Variants in AKAP6 observed in about 807,000 individuals in gnomAD.
AKAP6 encodes A-kinase anchor protein 6.
In AKAP6, 58 loss-of-function variants were observed where a neutral mutation model predicts 188.5. That is an observed-to-expected ratio of 0.31 (90% CI 0.25 to 0.38). AKAP6 has a LOEUF of 0.38. Among genes scored for constraint, AKAP6 ranks in the 10% least tolerant of loss-of-function variants. AKAP6 has a pLI of 1.00. For missense variants in AKAP6, 2,710 were observed against 2,740.0 expected, an observed-to-expected ratio of 0.99 and a Z score of 0.24; for synonymous variants, 989 against 998.6, an observed-to-expected ratio of 0.99 and a Z score of 0.18.
At chr14:32,458,090 T>C (rs1891203563) in intron 2 of AKAP6, among the ~76,000 whole-genome samples, 1 of 152,250 alleles carries the variant, frequency 6.6e-6, no homozygotes, top group African/African-American at 2.4e-5. Flanking sequence ...TTAATTTGTT[T>C]AGGATGGAAA....
intron 2 of AKAP6, among the ~76,000 whole-genome samples, chr14:32,511,456 A>C (rs1413399505): frequency 6.7e-6 from 1 of 149,362 alleles, no homozygotes; most frequent in East Asian, 2.0e-4. Flanking sequence ...GCTCACTGCA[A>C]CCTCCACCTC....
intron 2 of AKAP6, among the ~76,000 whole-genome samples, chr14:32,449,354 A>G (rs749379685): frequency 6.6e-6 from 1 of 151,970 alleles, no homozygotes; most frequent in Non-Finnish European, 1.5e-5. Flanking sequence ...CTAAAAATAC[A>G]AAACAAACAA....
chr14:32,430,895 A>T (rs1249670881), intron 1 of AKAP6, among the ~76,000 whole-genome samples: 1 of 152,118 alleles, frequency 6.6e-6, no homozygotes, highest in African/African-American at 2.4e-5. Context: ...TCACGAGGTC[A>T]GGAGATGGAG....
chr14:32,664,843 G>T (rs192019683), intron 7 of AKAP6, among the ~76,000 whole-genome samples: 1 of 152,158 alleles, frequency 6.6e-6, no homozygotes, highest in African/African-American at 2.4e-5. Context: ...ATGAGTCTCA[G>T]GCATAGATAA....
At chr14:32,730,344 A>G (rs2139822660) in intron 9 of AKAP6, among the ~76,000 whole-genome samples, 1 of 152,294 alleles carries the variant, frequency 6.6e-6, no homozygotes, top group South Asian at 2.1e-4. Flanking sequence ...ACACATAAAG[A>G]CAAGTTTCTT....
intron 1 of AKAP6, among the ~76,000 whole-genome samples, chr14:32,352,111 G>GTT (rs1189404210): frequency 3.0e-4 from 42 of 141,332 alleles, no homozygotes; most frequent in African/African-American, 1.0e-3. Flanking sequence ...GTTTGTGTGT[G>GTT]TGTGTGTGTG....
intron 9 of AKAP6, among the ~76,000 whole-genome samples, chr14:32,727,906 G>T (rs2030952729): frequency 6.6e-6 from 1 of 152,152 alleles, no homozygotes. Flanking sequence ...TGAAGTGTTG[G>T]TGGTACTGAC....
intron 7 of AKAP6, among the ~76,000 whole-genome samples, chr14:32,620,631 T>C (rs970012838): frequency 7.2e-5 from 11 of 152,070 alleles, no homozygotes; most frequent in Non-Finnish European, 1.0e-4. Flanking sequence ...TTTTCTTTTT[T>C]TGTTAAGTCC....
chr14:32,575,209 C>T (rs993522676), intron 4 of AKAP6, among the ~76,000 whole-genome samples: 8 of 151,840 alleles, frequency 5.3e-5, no homozygotes, highest in African/African-American at 1.7e-4. Context: ...GCAGGAAAGG[C>T]GAAAGAACAG....
At position 32,655,540 on chromosome 14, in the gene AKAP6, A is replaced by G. The variant is rs1376262544; in HGVS notation, c.2731-22771A>G. ...AAGACTAGCAGATAGATCTCTGCCA[A>G]TGCAAGGTGGTCAGTGATACATAGT... On this transcript the variant is annotated intron_variant, in intron 7 of 13. Transcript: ENST00000280979. 2.0e-5 allele frequency among the ~76,000 whole-genome samples: 3 copies of G among 152,208 alleles called. No individual in the cohort carries two copies. The East Asian group carries it at 5.8e-4, about 29-fold the overall frequency.
chr14:32,759,717 G>T (rs972785162), intron 11 of AKAP6, among the ~76,000 whole-genome samples: 14 of 152,100 alleles, frequency 9.2e-5, no homozygotes, highest in African/African-American at 3.4e-4. Context: ...ACAACACAAG[G>T]CAAAAGCAAG....
chr14:32,459,430 T>G (rs1566515354), intron 2 of AKAP6, among the ~76,000 whole-genome samples: 1 of 152,056 alleles, frequency 6.6e-6, no homozygotes, highest in Non-Finnish European at 1.5e-5. Context: ...GAAAAAGTGA[T>G]AGATACAGAC....
chr14:32,693,811 A>G (rs974776037), intron 8 of AKAP6: 1 of 152,116 alleles, frequency 6.6e-6, no homozygotes, highest in Non-Finnish European at 1.5e-5. Flanking sequence ...TTCTGTCTGT[A>G]TGATTAAAAT....
chr14:32,746,357 G>C (rs1017151882), intron 11 of AKAP6, among the ~76,000 whole-genome samples: 2 of 152,108 alleles, frequency 1.3e-5, no homozygotes, highest in Non-Finnish European at 2.9e-5. Flanking sequence ...GGTTTTTCAG[G>C]GTTCAAAGGG....
At chr14:32,799,243 G>A (rs1446767237) in intron 12 of AKAP6, among the ~76,000 whole-genome samples, 20 of 152,108 alleles carry the variant, frequency 1.3e-4, no homozygotes, top group Admixed American at 1.3e-3. Context: ...TATTCTAGAT[G>A]TATCCCTTTC....
At position 32,372,542 on chromosome 14, in the gene AKAP6, CA is replaced by C. The variant is rs527383447; in HGVS notation, c.-35+43136del. Among the ~76,000 whole-genome samples the C allele has an allele frequency of 2.5e-3, 356 of 142,992 alleles. 1 individual carries two copies. The highest frequency in any genetic ancestry group is 8.8e-3 in the African/African-American group (340 of 38,774). 93.8% of individuals were successfully genotyped at this position (142,992 alleles called of 152,430 possible). A position where few individuals can be genotyped will look rare whatever the true frequency, so the allele number is the denominator to read the frequency against. On this transcript the variant is annotated intron_variant, in intron 1 of 13. Transcript: ENST00000280979. ...TTAACAGAGTAAAGCTTCTTTATAG[CA>C]ATATAATTCTTTAAGATCACTTTTT...
At chr14:32,786,682 C>G (rs1332150157) in intron 12 of AKAP6, among the ~76,000 whole-genome samples, 1 of 152,000 alleles carries the variant, frequency 6.6e-6, no homozygotes, top group Non-Finnish European at 1.5e-5. Flanking sequence ...TCTTACCTCT[C>G]TAACTCTCAT....
intron 7 of AKAP6, among the ~76,000 whole-genome samples, chr14:32,611,105 AGTCT>A (rs1443300768): frequency 6.6e-6 from 1 of 152,206 alleles, no homozygotes; most frequent in Non-Finnish European, 1.5e-5. Context: ...TAAGAGTGAT[AGTCT>A]GGAAGAAGAA....
chr14:32,719,586 C>T (rs2030419316), intron 9 of AKAP6, among the ~76,000 whole-genome samples: 1 of 152,024 alleles, frequency 6.6e-6, no homozygotes, highest in Non-Finnish European at 1.5e-5. Context: ...TAGTTTCTTC[C>T]TTATGAAATT....
Sources: gnomAD v4.1 joint callset for allele counts (sites outside exome capture counted in the v4.1 genomes callset) on GRCh38, gnomAD v4.1.1 for gene constraint, MANE v1.5 for transcripts, NCBI Gene and HGNC (gene_info 2026-07-23, HGNC 2026-07-21) for gene names.